The following FA2H variants were observed in gnomAD, a reference collection of about 807,000 sequenced individuals.
FA2H encodes the protein fatty acid 2-hydroxylase.
FA2H carries 22 observed loss-of-function variants against 44.9 expected under a neutral mutation model. The observed-to-expected ratio is 0.49, with a 90% CI of 0.35 to 0.70. FA2H has a LOEUF of 0.70. Among genes scored for constraint, FA2H ranks in the 30% least tolerant of loss-of-function variants. The pLI, the probability that FA2H is intolerant of heterozygous loss-of-function variation, is 0.01. For synonymous variants in FA2H, 243 were observed against 213.2 expected, an observed-to-expected ratio of 1.14 and a Z score of -1.22; for missense variants, 501 against 504.9, an observed-to-expected ratio of 0.99 and a Z score of 0.07.
chr16:74,773,114 G>A (rs527956400), intron 1 of FA2H, among the ~76,000 whole-genome samples: 122 of 152,196 alleles, frequency 8.0e-4, no homozygotes, highest in African/African-American at 2.8e-3. Context: ...GGGCTCGAGC[G>A]ATCCTCTTAC....
chr16:74,714,275 G>A lies in FA2H; in HGVS notation c.1040-6C>T. ...TTTAGTGCTGATACCAAATCCTAGAGAGGGAGACAAACGGGGAGAAGATGA... is the reference window on the plus strand; with the variant it reads ...TTTAGTGCTGATACCAAATCCTAGAAAGGGAGACAAACGGGGAGAAGATGA... On this transcript the variant is annotated splice_polypyrimidine_tract_variant and splice_region_variant and intron_variant, in intron 6 of 6. Coordinates refer to ENST00000219368, the MANE Select transcript of FA2H (RefSeq NM_024306.5). The A allele has an allele frequency of 1.3e-6, 2 of 1,545,674 alleles. No homozygotes were observed. Among genetic ancestry groups the A allele is most frequent in the South Asian group, 2.4e-5 (2 of 84,116 alleles).
intron 2 of FA2H, among the ~76,000 whole-genome samples, chr16:74,738,137 A>G (rs1962217426): frequency 6.6e-6 from 1 of 152,076 alleles, no homozygotes; most frequent in Admixed American, 6.5e-5. Flanking sequence ...AGGCCTCCAC[A>G]TCCTCCCAGG....
At chr16:74,744,994 G>A (rs769330181) in intron 1 of FA2H, among the ~76,000 whole-genome samples, 28 of 152,180 alleles carry the variant, frequency 1.8e-4, no homozygotes, top group Non-Finnish European at 4.1e-4. Context: ...AAGTGTTGAT[G>A]AGTGTGGCTT....
At chr16:74,769,044 A>C (rs1442541430) in intron 1 of FA2H, among the ~76,000 whole-genome samples, 1 of 152,084 alleles carries the variant, frequency 6.6e-6, no homozygotes, top group Non-Finnish European at 1.5e-5. Context: ...GGCAGTTATC[A>C]TCGCTCTGGG....
At chr16:74,741,828 GTGTGTGTGTA>G (rs1347396865) in intron 1 of FA2H, among the ~76,000 whole-genome samples, 1 of 96,756 alleles carries the variant, frequency 1.0e-5, no homozygotes, top group Non-Finnish European at 2.2e-5. Flanking sequence ...GTGTGTGTGT[GTGTGTGTGTA>G]TGTGTGTGTA....
chr16:74,718,155 C>T (rs1239308105), intron 5 of FA2H, among the ~76,000 whole-genome samples: 1 of 152,182 alleles, frequency 6.6e-6, no homozygotes, highest in African/African-American at 2.4e-5. Flanking sequence ...ATCGGCTCAT[C>T]GAGATGAACC....
intron 1 of FA2H, among the ~76,000 whole-genome samples, chr16:74,748,126 G>T (rs1962459566): frequency 6.6e-6 from 1 of 152,254 alleles, no homozygotes; most frequent in Admixed American, 6.5e-5. Flanking sequence ...CATTCAAATA[G>T]GTCCGTTCCT....
chr16:74,769,804 G>T (rs983905115), intron 1 of FA2H, among the ~76,000 whole-genome samples: 4 of 152,206 alleles, frequency 2.6e-5, no homozygotes, highest in African/African-American at 9.6e-5. Flanking sequence ...TTGGGGTGAG[G>T]CTCTTGACCC....
intron 4 of FA2H, among the ~76,000 whole-genome samples, chr16:74,722,728 C>G (rs1340677518): frequency 6.6e-6 from 1 of 151,946 alleles, no homozygotes; most frequent in Non-Finnish European, 1.5e-5. Flanking sequence ...GCCTGACCAA[C>G]ATGGAGAAAC....
At chr16:74,770,005 AG>A (rs1304306253) in intron 1 of FA2H, among the ~76,000 whole-genome samples, 1 of 152,200 alleles carries the variant, frequency 6.6e-6, no homozygotes, top group Non-Finnish European at 1.5e-5. Flanking sequence ...AGTGGGGTGC[AG>A]GGGGAACAAA....
In FA2H at chr16:74,714,161, T is replaced by C. The variant is rs769964325; in HGVS notation, c.*29A>G. On this transcript the variant is annotated 3_prime_UTR_variant, in exon 7 of 7. Transcript: ENST00000219368. ...GGTCGGGAAGGGGCCAGGGCCGGGC[T>C]GAGGGCAGGACGGAGGGGGTGGGAG... is the stretch of plus-strand genomic sequence containing the variant. 2 of 1,473,438 alleles carry C rather than the reference T, an allele frequency of 1.4e-6. No homozygotes were observed. The highest frequency in any genetic ancestry group is 2.0e-5 in the Admixed American group (1 of 51,000). The allele number at this position is 1,473,438 out of a possible 1,614,324, so 91.3% of individuals were successfully genotyped here.
At chr16:74,765,329 G>C (rs1237609420) in intron 1 of FA2H, among the ~76,000 whole-genome samples, 1 of 151,882 alleles carries the variant, frequency 6.6e-6, no homozygotes, top group Non-Finnish European at 1.5e-5. Flanking sequence ...GCTAATTTTT[G>C]TATTTTTAGT....
chr16:74,730,340 C>T (rs1303336990), intron 2 of FA2H, among the ~76,000 whole-genome samples: 1 of 152,156 alleles, frequency 6.6e-6, no homozygotes, highest in African/African-American at 2.4e-5. Flanking sequence ...CTTCCTGCTT[C>T]TCAGGCTGGA....
chr16:74,759,336 A>T (rs533465900), intron 1 of FA2H, among the ~76,000 whole-genome samples: 1 of 152,336 alleles, frequency 6.6e-6, no homozygotes, highest in Non-Finnish European at 1.5e-5. Context: ...CCTAGGTCTT[A>T]CTGCTGAGAT....
At chr16:74,727,482 A>AC (rs774232546) in intron 2 of FA2H, 96 bp from the exon 3 acceptor site, 17 of 1,347,332 alleles carry the variant, frequency 1.3e-5, no homozygotes, top group Non-Finnish European at 1.8e-5. Context: ...CCCTGCTCCT[A>AC]CCTCAGCTCC....
chr16:74,753,482 C>A (rs962298674), intron 1 of FA2H, among the ~76,000 whole-genome samples: 2 of 152,162 alleles, frequency 1.3e-5, no homozygotes, highest in Admixed American at 6.5e-5. Flanking sequence ...GAGTTTAAGA[C>A]CAGCCTGGCC....
chr16:74,720,403 C>G (rs950627919), intron 4 of FA2H, among the ~76,000 whole-genome samples: 2 of 151,558 alleles, frequency 1.3e-5, no homozygotes, highest in African/African-American at 2.4e-5. Flanking sequence ...ACCATATTAT[C>G]CAGGCTGGTC....
At chr16:74,731,257 C>CCTGAGTAG (rs61261035) in intron 2 of FA2H, among the ~76,000 whole-genome samples, 16,231 of 148,132 alleles carry the variant, frequency 0.11, 1,233 homozygotes, top group East Asian at 0.35. Flanking sequence ...GCCTCAGCCT[C>CCTGAGTAG]CTGAGTAGCT....
chr16:74,753,568 G>A (rs1324440353), intron 1 of FA2H, among the ~76,000 whole-genome samples: 1 of 152,160 alleles, frequency 6.6e-6, no homozygotes, highest in African/African-American at 2.4e-5. Context: ...AGCTACTTGG[G>A]AGGCTGAGGT....
Sources: allele counts gnomAD v4.1 joint callset (sites outside exome capture counted in the v4.1 genomes callset), GRCh38; gene constraint gnomAD v4.1.1; transcripts MANE v1.5; gene names NCBI Gene and HGNC (gene_info 2026-07-23, HGNC 2026-07-21).